GALNT13: variants seen among roughly 807,000 people sequenced by gnomAD.
GALNT13 encodes the protein polypeptide N-acetylgalactosaminyltransferase 13.
Under a neutral mutation model 64.2 loss-of-function variants are expected in GALNT13, and 28 were observed. That is an observed-to-expected ratio of 0.44 (90% confidence interval 0.32 to 0.60). The LOEUF is 0.60. Ranked by LOEUF, GALNT13 falls within the 20% of genes least tolerant of loss-of-function variation. GALNT13 has a pLI of 0.05. For missense variants in GALNT13, 577 were observed against 669.8 expected, an observed-to-expected ratio of 0.86 and a Z score of 1.53; for synonymous variants, 214 against 224.6, an observed-to-expected ratio of 0.95 and a Z score of 0.42.
At chr2:154,038,199 C>T (rs957910965) in intron 3 of GALNT13, among the ~76,000 whole-genome samples, 1 of 152,144 alleles carries the variant, frequency 6.6e-6, no homozygotes, top group South Asian at 2.1e-4. Context: ...ACCATACTAC[C>T]CAAAGCAATC....
the GALNT13 span, among the ~76,000 whole-genome samples, chr2:153,519,417 G>GAT: frequency 1.3e-5 from 2 of 152,144 alleles, no homozygotes; most frequent in African/African-American, 4.8e-5. Context: ...CAGTCAACAG[G>GAT]ATAGTACAAG....
chr2:154,162,015 T>C (rs1375103439), intron 4 of GALNT13, among the ~76,000 whole-genome samples: 1 of 152,182 alleles, frequency 6.6e-6, no homozygotes, highest in Non-Finnish European at 1.5e-5. Flanking sequence ...TCTCCTGACC[T>C]TGTGATCCGC....
chr2:153,746,489 A>C, the GALNT13 span, among the ~76,000 whole-genome samples: 1 of 152,186 alleles, frequency 6.6e-6, no homozygotes, highest in Non-Finnish European at 1.5e-5. Flanking sequence ...AGTTCATTTA[A>C]TCTTGTTGTG....
intron 4 of GALNT13, among the ~76,000 whole-genome samples, chr2:154,183,999 G>A (rs1362004056): frequency 1.3e-5 from 2 of 151,738 alleles, no homozygotes; most frequent in Non-Finnish European, 2.9e-5. Context: ...GCCAAGGCTG[G>A]CCTCAAAGTC....
At chr2:153,323,338 G>GT in the GALNT13 span, among the ~76,000 whole-genome samples, 24 of 150,098 alleles carry the variant, frequency 1.6e-4, no homozygotes, top group African/African-American at 4.9e-4. Context: ...TTTTGATAGG[G>GT]TTTTTTTTTC....
chr2:153,248,815 C>CAAA, the GALNT13 span, among the ~76,000 whole-genome samples: 187 of 127,390 alleles, frequency 1.5e-3, 7 homozygotes, highest in Non-Finnish European at 1.9e-3. Context: ...GACTCTGTCT[C>CAAA]GAAAAAAAAA....
intron 9 of GALNT13, among the ~76,000 whole-genome samples, chr2:154,377,366 A>T (rs1469599099): frequency 6.6e-6 from 1 of 152,102 alleles, no homozygotes; most frequent in African/African-American, 2.4e-5. Flanking sequence ...CATTTTTGCA[A>T]CTGAAAATTT....
At chr2:153,697,691 T>C in the GALNT13 span, among the ~76,000 whole-genome samples, 2 of 152,132 alleles carry the variant, frequency 1.3e-5, no homozygotes, top group African/African-American at 2.4e-5. Flanking sequence ...TCAGAGGTAA[T>C]GGGGTAGAAG....
chr2:154,289,995 A>C (rs1244531452), intron 8 of GALNT13, among the ~76,000 whole-genome samples: 1 of 152,204 alleles, frequency 6.6e-6, no homozygotes, highest in Non-Finnish European at 1.5e-5. Flanking sequence ...TAGGAGACTC[A>C]GGAGTGCAGA....
At chr2:154,449,549 C>G (rs990894662) in intron 12 of GALNT13, among the ~76,000 whole-genome samples, 23 of 149,296 alleles carry the variant, frequency 1.5e-4, no homozygotes, top group Non-Finnish European at 3.4e-4. Flanking sequence ...CATTCAAATA[C>G]TTCGCTTCTG....
chr2:153,321,039 G>A, the GALNT13 span, among the ~76,000 whole-genome samples: 1 of 152,078 alleles, frequency 6.6e-6, no homozygotes, highest in Admixed American at 6.6e-5. Flanking sequence ...AGAGTCCATG[G>A]TTACTGTTTT....
At chr2:154,182,076 G>A (rs1479567090) in intron 4 of GALNT13, among the ~76,000 whole-genome samples, 1 of 152,032 alleles carries the variant, frequency 6.6e-6, no homozygotes, top group African/African-American at 2.4e-5. Flanking sequence ...TTATATATGC[G>A]TTGACTATTT....
intron 2 of GALNT13, among the ~76,000 whole-genome samples, chr2:153,918,113 C>G (rs962460154): frequency 6.6e-6 from 1 of 152,012 alleles, no homozygotes; most frequent in South Asian, 2.1e-4. Context: ...ACTAGGAGTT[C>G]ATTGAGATTT....
At chr2:154,283,307 A>T (rs1227760019) in intron 8 of GALNT13, among the ~76,000 whole-genome samples, 1 of 152,150 alleles carries the variant, frequency 6.6e-6, no homozygotes, top group Non-Finnish European at 1.5e-5. Context: ...CCTTTACCAA[A>T]ATTGAGAAAA....
the GALNT13 span, among the ~76,000 whole-genome samples, chr2:153,397,086 A>C: frequency 6.6e-6 from 1 of 152,182 alleles, no homozygotes; most frequent in South Asian, 2.1e-4. Flanking sequence ...TCACAGGCTT[A>C]ATGATTGCTT....
At chr2:153,420,044 A>G in the GALNT13 span, among the ~76,000 whole-genome samples, 1 of 152,210 alleles carries the variant, frequency 6.6e-6, no homozygotes, top group African/African-American at 2.4e-5. Flanking sequence ...AGATGATGTT[A>G]CTTCTTATAA....
chr2:154,298,357 C>A (rs1198065391), intron 8 of GALNT13, among the ~76,000 whole-genome samples: 1 of 131,590 alleles, frequency 7.6e-6, no homozygotes, highest in African/African-American at 2.7e-5. Flanking sequence ...TCACTAAATA[C>A]ATATATAATA....
the GALNT13 span, among the ~76,000 whole-genome samples, chr2:153,759,221 C>T: frequency 6.6e-6 from 1 of 152,064 alleles, no homozygotes; most frequent in East Asian, 1.9e-4. Flanking sequence ...GGTTTTCATA[C>T]ATAAGATCAT....
At chr2:154,185,249 T>A (rs1686186779) in intron 4 of GALNT13, among the ~76,000 whole-genome samples, 1 of 152,100 alleles carries the variant, frequency 6.6e-6, no homozygotes, top group African/African-American at 2.4e-5. Flanking sequence ...TCTGATAAAT[T>A]GCTTTTCTAT....
Sources: gnomAD v4.1 joint callset for allele counts (sites outside exome capture counted in the v4.1 genomes callset) on GRCh38, gnomAD v4.1.1 for gene constraint, MANE v1.5 for transcripts, NCBI Gene and HGNC (gene_info 2026-07-23, HGNC 2026-07-21) for gene names.